The following TCF12 variants were observed in gnomAD, a reference collection of about 807,000 sequenced individuals.
TCF12 encodes the protein transcription factor 12.
TCF12 carries 45 observed loss-of-function variants against 86.0 expected under a neutral mutation model. That is an observed-to-expected ratio of 0.52 (90% CI 0.41 to 0.67). The LOEUF is 0.67. Among genes scored for constraint, TCF12 ranks in the 30% least tolerant of loss-of-function variants. TCF12 has a pLI of 0.00. For missense variants in TCF12, 881 were observed against 859.9 expected, an observed-to-expected ratio of 1.02 and a Z score of -0.31; for synonymous variants, 330 against 299.6, an observed-to-expected ratio of 1.10 and a Z score of -1.05.
chr15:56,956,401 G>T (rs1021494158), intron 3 of TCF12, among the ~76,000 whole-genome samples: 3 of 151,784 alleles, frequency 2.0e-5, no homozygotes, highest in Non-Finnish European at 4.4e-5. Context: ...ATGATTTGCA[G>T]TATTCAGTTT....
chr15:57,039,069 GACTGC>G (rs1186320367), intron 3 of TCF12, among the ~76,000 whole-genome samples: 1 of 152,178 alleles, frequency 6.6e-6, no homozygotes, highest in African/African-American at 2.4e-5. Context: ...GTATAGGCCA[GACTGC>G]TTGGTGTATC....
chr15:57,018,410 A>G (rs1030933413), intron 3 of TCF12, among the ~76,000 whole-genome samples: 2 of 152,226 alleles, frequency 1.3e-5, no homozygotes, highest in Non-Finnish European at 2.9e-5. Flanking sequence ...AGGAAGTAGG[A>G]TGTAATTGCT....
intron 5 of TCF12, among the ~76,000 whole-genome samples, chr15:57,143,727 G>C (rs1453354969): frequency 2.0e-5 from 3 of 152,150 alleles, no homozygotes; most frequent in Non-Finnish European, 4.4e-5. Context: ...TTACTCAAAA[G>C]ACTGTTTAAA....
At chr15:57,198,271 C>A (rs779775075) in intron 8 of TCF12, among the ~76,000 whole-genome samples, 6 of 152,172 alleles carry the variant, frequency 3.9e-5, no homozygotes, top group Admixed American at 2.0e-4. Context: ...CAGCTTGCCT[C>A]AGTAGGACTG....
intron 4 of TCF12, among the ~76,000 whole-genome samples, chr15:57,079,592 A>G (rs1303648571): frequency 6.6e-6 from 1 of 152,094 alleles, no homozygotes; most frequent in African/African-American, 2.4e-5. Context: ...TAACCACAAA[A>G]TCCCTCCGCT....
chr15:57,172,109 C>A (rs1475860033), intron 6 of TCF12, among the ~76,000 whole-genome samples: 1 of 151,870 alleles, frequency 6.6e-6, no homozygotes, highest in Non-Finnish European at 1.5e-5. Context: ...TTTCCTTGTT[C>A]TTTTTTCCTG....
chr15:57,019,929 A>T (rs1368896725), intron 3 of TCF12, among the ~76,000 whole-genome samples: 1 of 151,372 alleles, frequency 6.6e-6, no homozygotes, highest in Non-Finnish European at 1.5e-5. Context: ...TTAGGGGGGG[A>T]CTGTTATCAT....
At chr15:56,923,886 T>G (rs1454633544) in intron 3 of TCF12, among the ~76,000 whole-genome samples, 1 of 152,148 alleles carries the variant, frequency 6.6e-6, no homozygotes, top group African/African-American at 2.4e-5. Flanking sequence ...CACTTTTTCT[T>G]ATTGAATTCA....
intron 19 of TCF12, among the ~76,000 whole-genome samples, chr15:57,280,165 T>C (rs2061619479): frequency 6.6e-6 from 1 of 152,092 alleles, no homozygotes; most frequent in African/African-American, 2.4e-5. Context: ...GCTGGGATTA[T>C]AGGCATGAGC....
intron 5 of TCF12, among the ~76,000 whole-genome samples, chr15:57,125,245 G>T (rs2051557264): frequency 6.6e-6 from 1 of 152,218 alleles, no homozygotes; most frequent in Non-Finnish European, 1.5e-5. Context: ...GGCCTGAAAT[G>T]TAACTGGTCT....
rs7164655 is a variant in TCF12 at position 56,945,951 on chromosome 15, A to G, written c.148+24853A>G. On this transcript the variant is annotated intron_variant, in intron 3 of 20. Coordinates refer to ENST00000333725, the MANE Select transcript of TCF12 (RefSeq NM_207037.2). Reference sequence around the variant, plus strand: ...TCCCTCTGCCTTTTGCCGTAGTATGATATAGCTACAGCATGAAGGCCCTCA... The same window carrying G: ...TCCCTCTGCCTTTTGCCGTAGTATGGTATAGCTACAGCATGAAGGCCCTCA... Among the ~76,000 whole-genome samples, 241 of 152,038 alleles carry G rather than the reference A, an allele frequency of 1.6e-3. 1 individual carries two copies. Among genetic ancestry groups the G allele is most frequent in the African/African-American group, 5.6e-3 (232 of 41,462 alleles).
At chr15:57,024,017 C>G (rs961746616) in intron 3 of TCF12, among the ~76,000 whole-genome samples, 1 of 152,098 alleles carries the variant, frequency 6.6e-6, no homozygotes, top group African/African-American at 2.4e-5. Flanking sequence ...CCTTAATGCT[C>G]TCTACCCACT....
intron 8 of TCF12, among the ~76,000 whole-genome samples, chr15:57,199,341 TA>T (rs2057422949): frequency 6.6e-6 from 1 of 152,188 alleles, no homozygotes; most frequent in Non-Finnish European, 1.5e-5. Context: ...ACAGTACTGC[TA>T]AAACATGTAG....
At chr15:57,106,316 G>T (rs538801714) in intron 5 of TCF12, among the ~76,000 whole-genome samples, 1 of 67,614 alleles carries the variant, frequency 1.5e-5, no homozygotes, top group Non-Finnish European at 3.4e-5. Flanking sequence ...CAAAAGTAGC[G>T]TGGTTACGTA....
intron 5 of TCF12, among the ~76,000 whole-genome samples, chr15:57,124,211 A>AGT (rs1266541834): frequency 3.3e-5 from 5 of 152,028 alleles, no homozygotes; most frequent in African/African-American, 1.2e-4. Context: ...ATTCTGTTCT[A>AGT]GTGGAGTTTT....
intron 18 of TCF12, among the ~76,000 whole-genome samples, chr15:57,265,469 G>A (rs920416164): frequency 5.9e-5 from 9 of 152,274 alleles, no homozygotes; most frequent in Admixed American, 3.3e-4. Flanking sequence ...GAGCTGCTGG[G>A]ATAGGCTGCA....
chr15:57,069,252 A>C (rs1285850673), intron 4 of TCF12, among the ~76,000 whole-genome samples: 1 of 152,194 alleles, frequency 6.6e-6, no homozygotes, highest in African/African-American at 2.4e-5. Flanking sequence ...GAAACCACTG[A>C]TAGGAATTAC....
Position 57,282,567 on chromosome 15 carries a change from A to C in TCF12, c.2101A>C (p.Asn701His). The C allele has an allele frequency of 6.2e-7, 1 of 1,614,214 alleles. No individual in the cohort carries two copies. ...CCATCCTGGGCTTAGTGAAACTACC[A>C]ACCCTATGGGTCATATGTAAACATC... ...GTHPGLSETT[N>H]PMGHM is the part of the protein sequence containing the mutation. The change falls in exon 20 of 21, where the codon AAC becomes CAC. Residue 701 changes from asparagine (N) to histidine (H), a missense_variant. Transcript: ENST00000333725.
intron 5 of TCF12, among the ~76,000 whole-genome samples, chr15:57,097,512 T>G (rs2049410701): frequency 6.6e-6 from 1 of 151,714 alleles, no homozygotes; most frequent in Non-Finnish European, 1.5e-5. Flanking sequence ...GGGCAACAGA[T>G]CCAACCCTGT....
Sources: gnomAD v4.1 joint callset for allele counts (sites outside exome capture counted in the v4.1 genomes callset) on GRCh38, gnomAD v4.1.1 for gene constraint, MANE v1.5 for transcripts, NCBI Gene and HGNC (gene_info 2026-07-23, HGNC 2026-07-21) for gene names.